The following MCF2L variants were observed in gnomAD, a reference collection of about 807,000 sequenced individuals.
MCF2L encodes the protein MCF.2 cell line derived transforming sequence like.
A neutral mutation model predicts 153.4 loss-of-function variants in MCF2L; 97 were observed. The observed-to-expected ratio is 0.63, with a 90% CI of 0.54 to 0.75. MCF2L has a LOEUF of 0.75. Among genes scored for constraint, MCF2L ranks in the 30% least tolerant of loss-of-function variants. The pLI is 0.00. For synonymous variants in MCF2L, 659 were observed against 632.2 expected (o/e 1.04, Z -0.64); for missense variants, 1,347 against 1,495.2 (o/e 0.90, Z 1.64).
intron 1 of MCF2L, chr13:112,902,179 T>A: frequency 6.2e-7 from 1 of 1,608,534 alleles, no homozygotes; most frequent in Non-Finnish European, 8.5e-7. Flanking sequence ...CATCGTGCTT[T>A]TAAAATCTTT....
At chr13:112,995,780 C>T (rs2083103739) in intron 1 of MCF2L, among the ~76,000 whole-genome samples, 1 of 152,148 alleles carries the variant, frequency 6.6e-6, no homozygotes, top group Non-Finnish European at 1.5e-5. Context: ...CCAGACTCCT[C>T]TCTCCCTGTG....
intron 25 of MCF2L, among the ~76,000 whole-genome samples, 179 bp from the exon 26 acceptor site, chr13:113,089,431 G>C (rs1468537750): frequency 7.8e-6 from 1 of 128,382 alleles, no homozygotes; most frequent in African/African-American, 3.0e-5. Context: ...GAAGCAGGAG[G>C]GTGGGCGTCT....
In MCF2L at chr13:113,076,023, T is replaced by C. The variant is rs1464856461; in HGVS notation, c.1366T>C (p.Cys456Arg). 1 of 1,613,902 alleles carries C rather than the reference T, an allele frequency of 6.2e-7. No individual in the cohort carries two copies. Among genetic ancestry groups the C allele is most frequent in the East Asian group, 2.2e-5 (1 of 44,868 alleles). ...YLLASQPVDK[C>R]QSQDGAEAAL... ...GCTGGCCTCACAACCTGTGGACAAG[T>C]GCCAGTCCCAGGACGGCGCGGAGGC... The change falls in exon 12 of 30, where the codon TGC (cysteine) becomes CGC (arginine). Residue 456 changes from cysteine (C) to arginine (R), a missense_variant. Transcript: ENST00000535094.
chr13:112,916,771 C>T (rs74818346), intron 2 of MCF2L, among the ~76,000 whole-genome samples: 2,410 of 152,244 alleles, frequency 0.016, 57 homozygotes, highest in African/African-American at 0.05. Flanking sequence ...AACCAGCTCA[C>T]GCCTTGCTTC....
intron 1 of MCF2L, chr13:112,985,366 G>C (rs181670240): frequency 4.3e-6 from 2 of 470,172 alleles, no homozygotes; most frequent in African/African-American, 4.0e-5. Context: ...CGTCCTCCCC[G>C]GCAGCTGATC....
At chr13:113,037,554 C>T (rs1434126457) in intron 3 of MCF2L, among the ~76,000 whole-genome samples, 2 of 152,178 alleles carry the variant, frequency 1.3e-5, no homozygotes, top group Non-Finnish European at 2.9e-5. Flanking sequence ...AACCCACTAC[C>T]TACTTCCATT....
intron 4 of MCF2L, among the ~76,000 whole-genome samples, chr13:113,051,098 T>C (rs1010783301): frequency 6.6e-6 from 1 of 152,004 alleles, no homozygotes; most frequent in East Asian, 1.9e-4. Flanking sequence ...AGCAAGCACC[T>C]GCCCAGGTGA....
chr13:113,035,581 A>T lies in MCF2L; in HGVS notation c.279-9690A>T, dbSNP rs935296304. On this transcript the variant is annotated intron_variant, in intron 3 of 29. Coordinates refer to ENST00000535094, the MANE Select transcript of MCF2L (RefSeq NM_001112732.3). The surrounding 1 kb of genome is among the most constrained non-coding windows in gnomAD (Gnocchi z 4.4). ...CCTTCGCCTGCTGCCTTTTTCTTCCATGAGGATGCGGTTCCCGTGTCCCCC... is the reference window on the plus strand; with the variant it reads ...CCTTCGCCTGCTGCCTTTTTCTTCCTTGAGGATGCGGTTCCCGTGTCCCCC... Among the ~76,000 whole-genome samples, 1 of 151,970 alleles carries T rather than the reference A, an allele frequency of 6.6e-6. No homozygotes were observed. The highest frequency in any genetic ancestry group is 2.1e-4 in the South Asian group (1 of 4,786).
intron 2 of MCF2L, among the ~76,000 whole-genome samples, chr13:113,022,806 G>A (rs1043979496): frequency 4.6e-5 from 7 of 152,240 alleles, no homozygotes; most frequent in African/African-American, 1.2e-4. Flanking sequence ...TGTCGTACTC[G>A]CACAGGAGGA....
At position 112,993,178 on chromosome 13, in the gene MCF2L, A is replaced by T. The variant is rs1232517699; in HGVS notation, c.80-21585A>T. 6.6e-6 allele frequency among the ~76,000 whole-genome samples: 1 copy of T among 152,236 alleles called. No individual in the cohort carries two copies. Among genetic ancestry groups the T allele is most frequent in the African/African-American group, 2.4e-5 (1 of 41,466 alleles). ...GAGGCCACAGAGAGGCTGTACTGACAGAGGCTGGGGGAGGATCTGGTGATG... is the reference window on the plus strand; with the variant it reads ...GAGGCCACAGAGAGGCTGTACTGACTGAGGCTGGGGGAGGATCTGGTGATG... On this transcript the variant is annotated intron_variant, in intron 1 of 29. Transcript: ENST00000535094. This position sits in a 1 kb window ranked among gnomAD's most constrained non-coding sequence, Gnocchi z 4.6.
At chr13:113,082,980 A>G (rs970384169) in intron 17 of MCF2L, among the ~76,000 whole-genome samples, 3 of 152,164 alleles carry the variant, frequency 2.0e-5, no homozygotes, top group African/African-American at 7.2e-5. Context: ...CAAGCTCTTG[A>G]AAAGGACGGC....
At position 113,070,727 on chromosome 13, in the gene MCF2L, T is replaced by C. The variant is rs1330119884; in HGVS notation, c.996+554T>C. On this transcript the variant is annotated intron_variant, in intron 9 of 29. Coordinates refer to ENST00000535094, the MANE Select transcript of MCF2L (RefSeq NM_001112732.3). This position sits in a 1 kb window ranked among gnomAD's most constrained non-coding sequence, Gnocchi z 5.6. Reference sequence around the variant, plus strand: ...ATCCCACAGAATGTCACTCTCGGGATTTGTTTGTTTGCTCAGCACAGCTCT... The same window carrying C: ...ATCCCACAGAATGTCACTCTCGGGACTTGTTTGTTTGCTCAGCACAGCTCT... Among the ~76,000 whole-genome samples, 1 of 152,202 alleles carries C rather than the reference T, an allele frequency of 6.6e-6. No individual in the cohort carries two copies. Among genetic ancestry groups the C allele is most frequent in the Non-Finnish European group, 1.5e-5 (1 of 68,028 alleles).
chr13:112,968,118 CTT>C (rs112662139), upstream of MCF2L: 3 of 193,318 alleles, frequency 1.6e-5, no homozygotes, highest in Non-Finnish European at 3.0e-5. Flanking sequence ...CTCTCTCTCT[CTT>C]TTAACTGATT....
In MCF2L at chr13:113,018,598, G is replaced by A. The variant is rs554247596; in HGVS notation, c.163+3752G>A. 2.6e-4 allele frequency among the ~76,000 whole-genome samples: 40 copies of A among 152,294 alleles called. 1 individual carries two copies. In the South Asian group the frequency reaches 6.6e-3, roughly 25 times the overall value. On this transcript the variant is annotated intron_variant, in intron 2 of 29. Coordinates refer to ENST00000535094, the MANE Select transcript of MCF2L (RefSeq NM_001112732.3). ...TGGCATGGCAGTCGGAGCAGGCCCC[G>A]AGGAGGTCGTGGTCTCAGAACTCAG...
intron 1 of MCF2L, among the ~76,000 whole-genome samples, chr13:112,981,425 G>A (rs1488973169): frequency 1.3e-5 from 2 of 152,224 alleles, no homozygotes; most frequent in East Asian, 1.9e-4. Flanking sequence ...CTGGTCCCCC[G>A]TGAAGACATC....
intron 12 of MCF2L, among the ~76,000 whole-genome samples, chr13:113,076,838 C>A (rs2033533803): frequency 6.6e-6 from 1 of 152,248 alleles, no homozygotes; most frequent in African/African-American, 2.4e-5. Flanking sequence ...GCTGCCCTTT[C>A]CCGAGGCCGG....
In MCF2L at chr13:113,070,087, G is replaced by A. The variant is rs1186204557; in HGVS notation, c.910G>A (p.Ala304Thr). Residue 304 changes from alanine (A) to threonine (T), a missense_variant, in exon 9 of 30, where the codon GCT (alanine) becomes ACT (threonine). By Grantham distance (58) the Ala-to-Thr change is moderately conservative. Transcript: ENST00000535094. The surrounding 1 kb of genome is among the most constrained non-coding windows in gnomAD (Gnocchi z 5.6). ...CCTGGCCCAGCTGAACGAAACCGAG[G>A]CTGCCTTCGATGAGTTCTGGGCAAA... ...RLLAQLNETE[A>T]AFDEFWAKHQ... 6.2e-7 allele frequency: 1 copy of A among 1,609,804 alleles called. No individual in the cohort carries two copies. Among genetic ancestry groups the A allele is most frequent in the East Asian group, 2.3e-5 (1 of 44,330 alleles).
Position 113,094,969 on chromosome 13 carries a change from G to A in MCF2L, c.3075+334G>A, listed in dbSNP as rs766184913. On this transcript the variant is annotated intron_variant, in intron 27 of 29. Transcript: ENST00000535094. ...TTTGTGTTTCTGGGTTAATTTCCAG[G>A]TGCCCACCCAGCCTCCTGTAGAGCC... 30 of 1,383,254 alleles carry A rather than the reference G, an allele frequency of 2.2e-5. No homozygotes were observed. The South Asian group carries it at 3.2e-4, about 15-fold the overall frequency. The allele number at this position is 1,383,254 out of a possible 1,614,324, so 85.7% of individuals were successfully genotyped here. A position where few individuals can be genotyped will look rare whatever the true frequency, so the allele number is the denominator to read the frequency against.
Position 113,045,163 on chromosome 13 carries a change from C to T in MCF2L, c.279-108C>T. On this transcript the variant is annotated intron_variant, in intron 3 of 29. Coordinates refer to ENST00000535094, the MANE Select transcript of MCF2L (RefSeq NM_001112732.3). This position sits in a 1 kb window ranked among gnomAD's most constrained non-coding sequence, Gnocchi z 4.2. ...CTCTCACCTGGTATTGCAGAAATGG[C>T]ATCATGAATATGGGGGATCGCTCTC... The T allele has an allele frequency of 9.7e-7, 1 of 1,031,246 alleles. No individual in the cohort carries two copies. The highest frequency in any genetic ancestry group is 1.5e-6 in the Non-Finnish European group (1 of 656,664). 63.9% of individuals were successfully genotyped at this position (1,031,246 alleles called of 1,614,324 possible). A position where few individuals can be genotyped will look rare whatever the true frequency, so the allele number is the denominator to read the frequency against.
Sources: gnomAD v4.1 joint callset for allele counts (sites outside exome capture counted in the v4.1 genomes callset) on GRCh38, gnomAD v4.1.1 for gene constraint, Gnocchi (gnomAD v3.1) non-coding constraint, MANE v1.5 for transcripts, NCBI Gene and HGNC (gene_info 2026-07-23, HGNC 2026-07-21) for gene names.